Variants in MTUS2 observed in about 807,000 individuals in gnomAD.
MTUS2 encodes microtubule-associated tumor suppressor candidate 2.
Under a neutral mutation model 114.1 loss-of-function variants are expected in MTUS2, and 40 were observed. That is an observed-to-expected ratio of 0.35 (90% CI 0.27 to 0.46). The LOEUF is 0.46. MTUS2 is among the 20% of genes least tolerant of loss of function. MTUS2 has a pLI of 1.00. For synonymous variants in MTUS2, 688 were observed against 672.0 expected (o/e 1.02, Z -0.37); for missense variants, 1,679 against 1,705.4 (o/e 0.98, Z 0.27).
chr13:29,062,014 T>C (rs1163617592), intron 4 of MTUS2, among the ~76,000 whole-genome samples: 1 of 152,220 alleles, frequency 6.6e-6, no homozygotes, highest in Non-Finnish European at 1.5e-5. Context: ...AGATAGGGTC[T>C]CCTTCTGTTG....
intron 8 of MTUS2, among the ~76,000 whole-genome samples, chr13:29,398,246 A>G (rs1874056339): frequency 6.6e-6 from 1 of 152,164 alleles, no homozygotes; most frequent in Non-Finnish European, 1.5e-5. Context: ...GGACCACCTG[A>G]GGTCAGGAGT....
chr13:29,197,182 A>G (rs1056776619), intron 5 of MTUS2, among the ~76,000 whole-genome samples: 1 of 149,264 alleles, frequency 6.7e-6, no homozygotes. Flanking sequence ...TAATCCCTCC[A>G]TTCGTTAGGT....
intron 5 of MTUS2, among the ~76,000 whole-genome samples, chr13:29,106,388 G>A (rs1593482957): frequency 6.6e-6 from 1 of 152,064 alleles, no homozygotes; most frequent in Non-Finnish European, 1.5e-5. Context: ...TTTTGGAGAC[G>A]GAGTCTTGCT....
At chr13:29,114,811 G>A (rs1891022687) in intron 5 of MTUS2, among the ~76,000 whole-genome samples, 1 of 152,180 alleles carries the variant, frequency 6.6e-6, no homozygotes, top group African/African-American at 2.4e-5. Context: ...GCAGTTCTTG[G>A]GATCTCTTAA....
intron 6 of MTUS2, among the ~76,000 whole-genome samples, chr13:29,289,159 G>A (rs77212486): frequency 3.3e-5 from 5 of 152,220 alleles, no homozygotes; most frequent in Non-Finnish European, 7.3e-5. Context: ...ATTGAAGCAT[G>A]TGATATAAAC....
chr13:28,861,540 A>T lies in MTUS2; in HGVS notation c.-243+21690A>T, dbSNP rs377406587. Among the ~76,000 whole-genome samples the T allele has an allele frequency of 1.4e-4, 21 of 152,018 alleles. 1 individual carries two copies. The highest frequency in any genetic ancestry group is 1.2e-3 in the East Asian group (6 of 5,166). On this transcript the variant is annotated intron_variant, in intron 2 of 15. Coordinates refer to ENST00000612955, the MANE Select transcript of MTUS2 (RefSeq NM_001033602.4). ...GCATGTATGTGAATAAAGAAGCAAA[A>T]TGCCTGGCATTTAGCAGTCAGTCAG... is the stretch of plus-strand genomic sequence containing the variant.
intron 5 of MTUS2, among the ~76,000 whole-genome samples, chr13:29,266,643 A>G (rs1257988662): frequency 6.6e-6 from 1 of 152,194 alleles, no homozygotes; most frequent in Non-Finnish European, 1.5e-5. Flanking sequence ...CTTTTAAACT[A>G]TACATGGCCC....
chr13:29,099,126 T>C (rs1890303271), intron 4 of MTUS2, among the ~76,000 whole-genome samples: 1 of 152,210 alleles, frequency 6.6e-6, no homozygotes, highest in South Asian at 2.1e-4. Flanking sequence ...GTATTCAAAA[T>C]AATGTGAGAA....
chr13:29,308,659 G>A (rs1466606710), intron 6 of MTUS2, among the ~76,000 whole-genome samples: 3 of 152,182 alleles, frequency 2.0e-5, no homozygotes, highest in East Asian at 3.9e-4. Context: ...TCCATCTGAC[G>A]AAGGTCTAAT....
intron 2 of MTUS2, among the ~76,000 whole-genome samples, chr13:28,966,520 C>T (rs1052350254): frequency 6.6e-6 from 1 of 151,936 alleles, no homozygotes; most frequent in Admixed American, 6.6e-5. Flanking sequence ...CCCAGGAGTA[C>T]AAGACCAGTA....
intron 5 of MTUS2, among the ~76,000 whole-genome samples, chr13:29,165,619 A>G (rs1893285019): frequency 6.6e-6 from 1 of 152,174 alleles, no homozygotes; most frequent in Admixed American, 6.5e-5. Context: ...CTTTTAAAAC[A>G]CTTGCTGTGT....
intron 2 of MTUS2, among the ~76,000 whole-genome samples, chr13:28,903,490 A>T (rs1231883399): frequency 1.5e-5 from 2 of 134,230 alleles, no homozygotes; most frequent in South Asian, 2.4e-4. Flanking sequence ...TTCAATTCCC[A>T]CCTATGAGTG....
intron 2 of MTUS2, among the ~76,000 whole-genome samples, chr13:28,914,848 G>T (rs932558005): frequency 8.6e-5 from 13 of 151,616 alleles, no homozygotes; most frequent in Non-Finnish European, 1.8e-4. Context: ...CCCCTTCTTG[G>T]TCTTTTTTAT....
intron 7 of MTUS2, among the ~76,000 whole-genome samples, chr13:29,352,252 G>C (rs1382977924): frequency 6.6e-6 from 1 of 152,194 alleles, no homozygotes. Context: ...TACCCATGCT[G>C]CAGGGTTATG....
intron 5 of MTUS2, among the ~76,000 whole-genome samples, chr13:29,140,463 G>A (rs1035669346): frequency 5.9e-5 from 9 of 152,236 alleles, no homozygotes; most frequent in Non-Finnish European, 1.2e-4. Context: ...GCATGCCAGC[G>A]TAGTGAAGGA....
intron 8 of MTUS2, among the ~76,000 whole-genome samples, chr13:29,419,749 A>C (rs997936446): frequency 6.6e-6 from 1 of 152,214 alleles, no homozygotes; most frequent in African/African-American, 2.4e-5. Flanking sequence ...CTTCTTCAGG[A>C]CACATGTAGA....
intron 5 of MTUS2, among the ~76,000 whole-genome samples, chr13:29,116,375 T>C (rs1358093096): frequency 6.6e-6 from 1 of 152,226 alleles, no homozygotes. Flanking sequence ...AGCCAAGACA[T>C]TGAGATTTTA....
chr13:29,398,491 G>GAA (rs60747066), intron 8 of MTUS2, among the ~76,000 whole-genome samples: 1 of 142,580 alleles, frequency 7.0e-6, no homozygotes, highest in African/African-American at 2.6e-5. Flanking sequence ...GAAAGAAAAA[G>GAA]AAAAAAAAAA....
chr13:29,077,948 A>G (rs1306662483), intron 4 of MTUS2, among the ~76,000 whole-genome samples: 2 of 152,204 alleles, frequency 1.3e-5, no homozygotes, highest in Non-Finnish European at 2.9e-5. Context: ...AACAAACTTA[A>G]TTCTTCAAGT....
Sources: gnomAD v4.1 joint callset for allele counts (sites outside exome capture counted in the v4.1 genomes callset) on GRCh38, gnomAD v4.1.1 for gene constraint, MANE v1.5 for transcripts, NCBI Gene and HGNC (gene_info 2026-07-23, HGNC 2026-07-21) for gene names.